Variants in DCAF8L2 observed in about 807,000 individuals in gnomAD.
The protein encoded by DCAF8L2 is DDB1- and CUL4-associated factor 8-like protein 2.
For missense variants in DCAF8L2, 430 were observed against 490.7 expected (o/e 0.88, Z 1.17); for synonymous variants, 200 against 190.9 (o/e 1.05, Z -0.39).
chrX:27,480,907 A>C, the DCAF8L2 span, among the ~76,000 whole-genome samples: 1 of 112,082 alleles, frequency 8.9e-6, no homozygotes. Context: ...ATGAATATGT[A>C]TTAACTAAGT....
intron 4 of DCAF8L2, among the ~76,000 whole-genome samples, chrX:27,737,852 C>T (rs1480057969): frequency 1.8e-5 from 2 of 110,493 alleles, no homozygotes; most frequent in Non-Finnish European, 3.8e-5. Context: ...GAAATCTTCA[C>T]ACAAAAAAAT....
chrX:27,500,560 A>C, the DCAF8L2 span, among the ~76,000 whole-genome samples: 1 of 112,074 alleles, frequency 8.9e-6, no homozygotes, highest in African/African-American at 3.2e-5. Context: ...TTTCAAAAAA[A>C]GAGCAAAATT....
chrX:27,701,141 G>A (rs1434559573), intron 3 of DCAF8L2, among the ~76,000 whole-genome samples: 1 of 111,297 alleles, frequency 9.0e-6, no homozygotes, highest in Admixed American at 9.6e-5. Context: ...ACTGAGATGA[G>A]TATAATTCAG....
rs147585285 is a variant in DCAF8L2 at position 27,655,671 on chromosome X, T to C, written c.-219-22165T>C. On this transcript the variant is annotated intron_variant, in intron 2 of 4. Transcript: ENST00000451261. ...CATTTCTTGGAGAATTTAGTCACAATGGCTCAGGATTATAGTAAATATTTT... is the reference window on the plus strand; with the variant it reads ...CATTTCTTGGAGAATTTAGTCACAACGGCTCAGGATTATAGTAAATATTTT... Among the ~76,000 whole-genome samples, 717 of 111,808 alleles carry C rather than the reference T, an allele frequency of 6.4e-3. 21 individuals carry two copies. The highest frequency in any genetic ancestry group is 0.06 in the Admixed American group (630 of 10,419).
chrX:27,651,400 G>A (rs950091857), intron 2 of DCAF8L2, among the ~76,000 whole-genome samples: 14 of 109,188 alleles, frequency 1.3e-4, no homozygotes, highest in Non-Finnish European at 2.3e-4. Context: ...TCATTTTTAT[G>A]TGTATGTCCT....
At chrX:27,478,968 G>A in the DCAF8L2 span, among the ~76,000 whole-genome samples, 1 of 111,160 alleles carries the variant, frequency 9.0e-6, no homozygotes, top group African/African-American at 3.3e-5. Flanking sequence ...ATTTGTGTAT[G>A]GGCTTAACCT....
At chrX:27,720,510 A>G (rs907337428) in intron 4 of DCAF8L2, among the ~76,000 whole-genome samples, 10 of 110,494 alleles carry the variant, frequency 9.1e-5, no homozygotes, top group Admixed American at 8.6e-4. Flanking sequence ...AGTAGCTGGG[A>G]CTACAGGCGC....
At chrX:27,658,080 A>C (rs1425340256) in intron 2 of DCAF8L2, among the ~76,000 whole-genome samples, 2 of 112,641 alleles carry the variant, frequency 1.8e-5, no homozygotes, top group East Asian at 5.6e-4. Flanking sequence ...TTGGCTTCAT[A>C]GTTTTGCATA....
intron 3 of DCAF8L2, among the ~76,000 whole-genome samples, chrX:27,679,698 T>A (rs1429304433): frequency 2.7e-5 from 3 of 111,424 alleles, no homozygotes; most frequent in Non-Finnish European, 3.8e-5. Context: ...TGGGTCCTCA[T>A]CCACTATTCT....
At chrX:27,585,634 G>A (rs758783988), upstream of DCAF8L2, among the ~76,000 whole-genome samples, 1 of 112,064 alleles carries the variant, frequency 8.9e-6, no homozygotes, top group Non-Finnish European at 1.9e-5. Context: ...TATCACAGAA[G>A]CACATGAAAC....
At chrX:27,471,875 A>T in the DCAF8L2 span, among the ~76,000 whole-genome samples, 1 of 111,271 alleles carries the variant, frequency 9.0e-6, no homozygotes, top group African/African-American at 3.3e-5. Context: ...AATGTGTAAA[A>T]ATCACCCTTT....
At chrX:27,590,182 T>C (rs945933932), upstream of DCAF8L2, among the ~76,000 whole-genome samples, 11 of 111,553 alleles carry the variant, frequency 9.9e-5, no homozygotes, top group Middle Eastern at 4.6e-3. Flanking sequence ...TAGATTAGGA[T>C]GGAACTAGAG....
chrX:27,498,538 A>C, the DCAF8L2 span, among the ~76,000 whole-genome samples: 1 of 112,513 alleles, frequency 8.9e-6, no homozygotes, highest in South Asian at 3.6e-4. Context: ...GCCATCAACA[A>C]CACATGTAGT....
the DCAF8L2 span, among the ~76,000 whole-genome samples, chrX:27,571,016 C>G: frequency 9.0e-6 from 1 of 111,589 alleles, no homozygotes; most frequent in Admixed American, 9.6e-5. Context: ...AAGCTCCTAC[C>G]TCTCTCTTAT....
chrX:27,509,198 T>C, the DCAF8L2 span, among the ~76,000 whole-genome samples: 1 of 111,255 alleles, frequency 9.0e-6, no homozygotes, highest in Non-Finnish European at 1.9e-5. Flanking sequence ...ATATAGAGCA[T>C]GTGAGAAAAT....
At position 27,747,498 on chromosome X, in the gene DCAF8L2, T is replaced by A; in HGVS notation, c.603T>A (p.Arg201=). Residue 201 remains arginine (R), a synonymous_variant, in exon 5 of 5, where the codon CGT becomes CGA. Coordinates refer to ENST00000451261, the MANE Select transcript of DCAF8L2 (RefSeq NM_001353450.2). ...TALHQRQLGS[R]PRFVYEACGA... is the part of the protein sequence containing the mutation. ...TTCACCAGCGGCAGCTGGGTTCACG[T>A]CCCCGCTTTGTATATGAGGCCTGTG... 1.7e-6 allele frequency: 2 copies of A among 1,176,778 alleles called. No individual in the cohort carries two copies. The highest frequency in any genetic ancestry group is 1.1e-6 in the Non-Finnish European group (1 of 877,752).
intron 3 of DCAF8L2, among the ~76,000 whole-genome samples, chrX:27,695,408 T>G (rs751956423): frequency 8.9e-6 from 1 of 112,122 alleles, no homozygotes; most frequent in African/African-American, 3.2e-5. Flanking sequence ...TCTTATTCAC[T>G]ATTGGAATGG....
chrX:27,643,840 G>A (rs1170565968), intron 2 of DCAF8L2, among the ~76,000 whole-genome samples: 1 of 111,513 alleles, frequency 9.0e-6, no homozygotes, highest in East Asian at 2.8e-4. Flanking sequence ...ATTGGACTAT[G>A]AGTGAAATAA....
chrX:27,478,592 A>C, the DCAF8L2 span, among the ~76,000 whole-genome samples: 1 of 112,328 alleles, frequency 8.9e-6, no homozygotes, highest in South Asian at 3.7e-4. Flanking sequence ...ACTATTCTGT[A>C]ATAACTCATT....
Sources: gnomAD v4.1 joint callset for allele counts (sites outside exome capture counted in the v4.1 genomes callset) on GRCh38, gnomAD v4.1.1 for gene constraint, MANE v1.5 for transcripts, NCBI Gene and HGNC (gene_info 2026-07-23, HGNC 2026-07-21) for gene names.